Variants in ANO10 observed in about 807,000 individuals in gnomAD.
ANO10 encodes the protein anoctamin 10.
In ANO10, 77 loss-of-function variants were observed where a neutral mutation model predicts 74.7. That is an observed-to-expected ratio of 1.03 (90% CI 0.86 to 1.25). ANO10 has a LOEUF of 1.25. Ranked by LOEUF, ANO10 falls within the 50% of genes most tolerant of loss-of-function variation. ANO10 has a pLI of 0.00. For missense variants in ANO10, 721 were observed against 778.1 expected, an observed-to-expected ratio of 0.93 and a Z score of 0.87; for synonymous variants, 279 against 284.9, an observed-to-expected ratio of 0.98 and a Z score of 0.21.
intron 4 of ANO10, among the ~76,000 whole-genome samples, chr3:43,589,771 T>C (rs2081643288): frequency 6.6e-6 from 1 of 152,210 alleles, no homozygotes; most frequent in African/African-American, 2.4e-5. Flanking sequence ...GGAAAACAAT[T>C]AGATGTTCAT....
At chr3:43,536,841 A>G (rs2078731115) in intron 11 of ANO10, among the ~76,000 whole-genome samples, 1 of 152,140 alleles carries the variant, frequency 6.6e-6, no homozygotes, top group East Asian at 1.9e-4. Context: ...GATTTTCTAA[A>G]GCATTTTTTC....
chr3:43,444,920 G>A (rs1399495637), intron 11 of ANO10, among the ~76,000 whole-genome samples: 4 of 151,996 alleles, frequency 2.6e-5, no homozygotes, highest in Admixed American at 6.6e-5. Flanking sequence ...TCAGGAGATC[G>A]AGACCATCCT....
At chr3:43,406,145 C>G (rs1204983997) in intron 12 of ANO10, among the ~76,000 whole-genome samples, 1 of 152,174 alleles carries the variant, frequency 6.6e-6, no homozygotes, top group African/African-American at 2.4e-5. Context: ...GCTCCCAGGG[C>G]AGTGGGAAGA....
At chr3:43,407,841 C>T (rs1179600723) in intron 12 of ANO10, among the ~76,000 whole-genome samples, 2 of 152,318 alleles carry the variant, frequency 1.3e-5, no homozygotes, top group Non-Finnish European at 2.9e-5. Flanking sequence ...GTTCTAGGAA[C>T]AGGGTACAGT....
intron 1 of ANO10, among the ~76,000 whole-genome samples, chr3:43,682,852 C>T: frequency 6.6e-6 from 1 of 152,198 alleles, no homozygotes; most frequent in Non-Finnish European, 1.5e-5. Flanking sequence ...TCAATAGATG[C>T]AGAAAAGGCC....
At chr3:43,576,432 G>A (rs1157820360) in intron 6 of ANO10, among the ~76,000 whole-genome samples, 2 of 152,178 alleles carry the variant, frequency 1.3e-5, no homozygotes, top group African/African-American at 4.8e-5. Context: ...CCTTGAGAAG[G>A]TGATGGTGAG....
intron 11 of ANO10, among the ~76,000 whole-genome samples, chr3:43,473,517 G>A (rs1311509697): frequency 2.0e-5 from 3 of 152,166 alleles, no homozygotes; most frequent in Non-Finnish European, 4.4e-5. Context: ...ACATGCCACT[G>A]TCATTATTTG....
At position 43,605,763 on chromosome 3, in the gene ANO10, T is replaced by C; in HGVS notation, c.90A>G (p.Glu30=). The C allele has an allele frequency of 6.2e-7, 1 of 1,613,878 alleles. No individual in the cohort carries two copies. Among genetic ancestry groups the C allele is most frequent in the Non-Finnish European group, 8.5e-7 (1 of 1,179,806 alleles). The change falls in exon 2 of 13, where the codon GAA becomes GAG. Residue 30 remains glutamate, a synonymous_variant. Coordinates refer to ENST00000292246, the MANE Select transcript of ANO10 (RefSeq NM_018075.5). ...VIELAQDVKE[E]TKEWLKNRII... The stretch of plus-strand genomic sequence containing the variant: ...TTCTGTTTTTCAGCCATTCTTTGGT[T>C]TCTTCTTTGACATCCTGAGCAAGTT...
At chr3:43,537,871 G>A (rs769897524) in intron 11 of ANO10, among the ~76,000 whole-genome samples, 8 of 151,950 alleles carry the variant, frequency 5.3e-5, no homozygotes, top group East Asian at 1.9e-4. Flanking sequence ...ACAAACCACC[G>A]TCACATAGTT....
chr3:43,423,631 T>C (rs1360957860), intron 12 of ANO10, among the ~76,000 whole-genome samples: 3 of 152,048 alleles, frequency 2.0e-5, no homozygotes. Flanking sequence ...AAAGTAGGAG[T>C]GCTTGGGAAT....
At chr3:43,635,553 G>C (rs1006788392) in intron 1 of ANO10, among the ~76,000 whole-genome samples, 2 of 151,938 alleles carry the variant, frequency 1.3e-5, no homozygotes, top group African/African-American at 4.8e-5. Context: ...ATGTTTTAAA[G>C]GTCTTTGACT....
At chr3:43,491,798 A>G (rs2076734491) in intron 11 of ANO10, among the ~76,000 whole-genome samples, 1 of 152,204 alleles carries the variant, frequency 6.6e-6, no homozygotes, top group African/African-American at 2.4e-5. Flanking sequence ...AGAATATGAT[A>G]TAATATAATA....
intron 1 of ANO10, among the ~76,000 whole-genome samples, chr3:43,678,949 C>G (rs554857526): frequency 6.6e-6 from 1 of 152,170 alleles, no homozygotes; most frequent in East Asian, 1.9e-4. Flanking sequence ...TTTTTTGATA[C>G]TGTGGGAGGG....
intron 11 of ANO10, among the ~76,000 whole-genome samples, chr3:43,466,784 C>A (rs1368584787): frequency 1.3e-5 from 2 of 152,094 alleles, no homozygotes; most frequent in African/African-American, 4.8e-5. Context: ...AAAAATTTGT[C>A]TTCAACACAT....
chr3:43,661,494 C>T (rs1026232793), intron 1 of ANO10, among the ~76,000 whole-genome samples: 5 of 152,192 alleles, frequency 3.3e-5, no homozygotes, highest in African/African-American at 9.6e-5. Flanking sequence ...GAAACTGCAT[C>T]AATTAATGGG....
At chr3:43,610,218 T>C (rs2082752026) in intron 1 of ANO10, among the ~76,000 whole-genome samples, 1 of 152,202 alleles carries the variant, frequency 6.6e-6, no homozygotes, top group African/African-American at 2.4e-5. Context: ...AATATCACTG[T>C]CTTCCACCTC....
rs561938675 is a variant in ANO10 at position 43,586,459 on chromosome 3, C to T, written c.473-5987G>A. 3.2e-4 allele frequency among the ~76,000 whole-genome samples: 48 copies of T among 152,200 alleles called. No individual in the cohort carries two copies. The Middle Eastern group carries it at 0.017, about 54-fold the overall frequency. On this transcript the variant is annotated intron_variant, in intron 4 of 12. Transcript: ENST00000292246. ...CACTACCACAGTTCCCTGCTGGAAG[C>T]CCCTAGGACCCTTCTCTCTCCCACA...
intron 6 of ANO10, among the ~76,000 whole-genome samples, chr3:43,576,291 A>G (rs1167038887): frequency 6.6e-6 from 1 of 152,150 alleles, no homozygotes; most frequent in Non-Finnish European, 1.5e-5. Context: ...ACACAATGTT[A>G]TGTATTAGGA....
At chr3:43,407,594 C>T (rs957541063) in intron 12 of ANO10, among the ~76,000 whole-genome samples, 3 of 152,170 alleles carry the variant, frequency 2.0e-5, no homozygotes, top group Non-Finnish European at 4.4e-5. Flanking sequence ...AATGATGTCA[C>T]TTTTTAGTGC....
Sources: allele counts gnomAD v4.1 joint callset (sites outside exome capture counted in the v4.1 genomes callset), GRCh38; gene constraint gnomAD v4.1.1; transcripts MANE v1.5; gene names NCBI Gene and HGNC (gene_info 2026-07-23, HGNC 2026-07-21).